ANKS1B: variants seen among roughly 807,000 people sequenced by gnomAD.
The protein encoded by ANKS1B is ankyrin repeat and sterile alpha motif domain containing 1B, also known as ankyrin repeat and sterile alpha motif domain-containing protein 1B.
A neutral mutation model predicts 148.3 loss-of-function variants in ANKS1B; 36 were observed. That is an observed-to-expected ratio of 0.24 (90% confidence interval 0.19 to 0.32). The LOEUF is 0.32. ANKS1B is among the 10% of genes least tolerant of loss of function. The probability of loss-of-function intolerance (pLI) is 1.00; values close to 1 mark genes in which losing one functional copy is unlikely to be tolerated. For missense variants in ANKS1B, 1,157 were observed against 1,542.6 expected, an observed-to-expected ratio of 0.75 and a Z score of 4.19; for synonymous variants, 542 against 560.8, an observed-to-expected ratio of 0.97 and a Z score of 0.47.
At chr12:98,974,271 C>G (rs1032105639) in intron 17 of ANKS1B, among the ~76,000 whole-genome samples, 2 of 152,188 alleles carry the variant, frequency 1.3e-5, no homozygotes, top group Non-Finnish European at 2.9e-5. Flanking sequence ...AAGATAAGAA[C>G]ATGAGTCTTA....
intron 8 of ANKS1B, among the ~76,000 whole-genome samples, chr12:99,728,581 T>C (rs1176098748): frequency 6.6e-6 from 1 of 152,126 alleles, no homozygotes; most frequent in Non-Finnish European, 1.5e-5. Flanking sequence ...TCGTCAAGGA[T>C]CTAGAACCAG....
At chr12:99,329,441 G>GC (rs1432843528) in intron 12 of ANKS1B, among the ~76,000 whole-genome samples, 2 of 151,778 alleles carry the variant, frequency 1.3e-5, no homozygotes, top group Non-Finnish European at 2.9e-5. Context: ...TCTGATCCTT[G>GC]AGATATATTC....
intron 8 of ANKS1B, among the ~76,000 whole-genome samples, chr12:99,742,657 A>AC (rs1002209291): frequency 4.0e-5 from 6 of 151,474 alleles, no homozygotes; most frequent in Non-Finnish European, 1.5e-5. Context: ...ACACGGTGAA[A>AC]CCCCGTCTCT....
chr12:99,838,500 T>A (rs953037647), intron 1 of ANKS1B, among the ~76,000 whole-genome samples: 14 of 152,176 alleles, frequency 9.2e-5, no homozygotes, highest in African/African-American at 3.4e-4. Context: ...TTACTGATTT[T>A]CATCATTCTT....
intron 17 of ANKS1B, among the ~76,000 whole-genome samples, chr12:98,872,616 T>G (rs1230625168): frequency 6.6e-6 from 1 of 151,886 alleles, no homozygotes; most frequent in Non-Finnish European, 1.5e-5. Flanking sequence ...ACTGGTGTCC[T>G]ATTGAGATTA....
intron 14 of ANKS1B, among the ~76,000 whole-genome samples, chr12:99,220,887 A>G (rs1237504008): frequency 1.3e-5 from 2 of 152,218 alleles, no homozygotes; most frequent in Non-Finnish European, 1.5e-5. Flanking sequence ...TACATAGATC[A>G]AATATAGAAA....
At chr12:99,866,112 C>G (rs2090721595) in intron 1 of ANKS1B, among the ~76,000 whole-genome samples, 1 of 152,244 alleles carries the variant, frequency 6.6e-6, no homozygotes. Context: ...TGGTCACTAG[C>G]TTTTACCTTA....
intron 16 of ANKS1B, among the ~76,000 whole-genome samples, chr12:99,070,822 C>T (rs985975993): frequency 6.6e-6 from 1 of 152,000 alleles, no homozygotes; most frequent in Non-Finnish European, 1.5e-5. Context: ...TACCACCATG[C>T]CTGGCTAATT....
At chr12:99,803,060 C>G (rs2067152289) in intron 4 of ANKS1B, among the ~76,000 whole-genome samples, 1 of 151,526 alleles carries the variant, frequency 6.6e-6, no homozygotes, top group South Asian at 2.1e-4. Flanking sequence ...TATAATTTAC[C>G]AAATGGGATT....
intron 17 of ANKS1B, among the ~76,000 whole-genome samples, chr12:98,911,475 G>A (rs527526231): frequency 6.6e-6 from 1 of 152,292 alleles, no homozygotes; most frequent in Non-Finnish European, 1.5e-5. Flanking sequence ...GGTCCATTAG[G>A]GAGAGCAGGA....
intron 9 of ANKS1B, among the ~76,000 whole-genome samples, chr12:99,562,123 T>C (rs1184609601): frequency 6.6e-6 from 1 of 152,226 alleles, no homozygotes; most frequent in East Asian, 1.9e-4. Flanking sequence ...TGAGTAGTAA[T>C]ACCTTGAAAT....
intron 17 of ANKS1B, among the ~76,000 whole-genome samples, chr12:98,996,629 A>C (rs370728441): frequency 6.6e-6 from 1 of 151,954 alleles, no homozygotes; most frequent in African/African-American, 2.4e-5. Context: ...CCTGGTTAAC[A>C]TGGTGAAACC....
At chr12:99,212,794 T>C (rs2083528112) in intron 14 of ANKS1B, among the ~76,000 whole-genome samples, 1 of 152,238 alleles carries the variant, frequency 6.6e-6, no homozygotes, top group Non-Finnish European at 1.5e-5. Context: ...ACTTCCCTGC[T>C]ATAGGCAGAT....
At chr12:99,568,872 T>C (rs1405553171) in intron 9 of ANKS1B, among the ~76,000 whole-genome samples, 2 of 152,154 alleles carry the variant, frequency 1.3e-5, no homozygotes, top group Non-Finnish European at 2.9e-5. Flanking sequence ...CTGGAAGAAA[T>C]ATGAATAGAA....
intron 12 of ANKS1B, among the ~76,000 whole-genome samples, chr12:99,323,441 C>T (rs2085698165): frequency 6.6e-6 from 1 of 152,166 alleles, no homozygotes; most frequent in Non-Finnish European, 1.5e-5. Flanking sequence ...CTTCCTTAGC[C>T]AGCATAGGTT....
intron 16 of ANKS1B, among the ~76,000 whole-genome samples, chr12:99,057,997 C>T (rs1405747531): frequency 6.6e-6 from 1 of 152,094 alleles, no homozygotes; most frequent in Non-Finnish European, 1.5e-5. Flanking sequence ...GTTGTTGTTG[C>T]TGTGAACTAC....
intron 17 of ANKS1B, among the ~76,000 whole-genome samples, chr12:98,991,266 A>G (rs2099926435): frequency 6.6e-6 from 1 of 152,210 alleles, no homozygotes; most frequent in African/African-American, 2.4e-5. Context: ...AACTAAAGCC[A>G]TATTTGGTAT....
chr12:99,226,173 G>A (rs1281203606), intron 14 of ANKS1B, among the ~76,000 whole-genome samples: 1 of 152,114 alleles, frequency 6.6e-6, no homozygotes, highest in African/African-American at 2.4e-5. Flanking sequence ...AGTATACCAG[G>A]TGCAAATGAT....
chr12:99,197,960 T>A (rs372756918), intron 14 of ANKS1B, among the ~76,000 whole-genome samples: 8 of 152,302 alleles, frequency 5.3e-5, no homozygotes, highest in African/African-American at 1.7e-4. Flanking sequence ...TTTTGTACTT[T>A]CTGGTCATTT....
Sources: allele counts gnomAD v4.1 joint callset (sites outside exome capture counted in the v4.1 genomes callset), GRCh38; gene constraint gnomAD v4.1.1; transcripts MANE v1.5; gene names NCBI Gene and HGNC (gene_info 2026-07-23, HGNC 2026-07-21).